RBFOX1: variants seen among roughly 807,000 people sequenced by gnomAD.
RBFOX1 encodes RNA binding protein fox-1 homolog 1.
In RBFOX1, 8 loss-of-function variants were observed where a neutral mutation model predicts 57.7. That is an observed-to-expected ratio of 0.14 (90% CI 0.08 to 0.25). The LOEUF (loss-of-function observed/expected upper bound fraction) is 0.25. RBFOX1 is among the 10% of genes least tolerant of loss of function. The pLI is 1.00. For missense variants in RBFOX1, 611 were observed against 548.5 expected, an observed-to-expected ratio of 1.11 and a Z score of -1.14; for synonymous variants, 326 against 222.4, an observed-to-expected ratio of 1.47 and a Z score of -4.15.
chr16:6,776,695 C>T (rs2079429648), intron 3 of RBFOX1, among the ~76,000 whole-genome samples: 1 of 152,126 alleles, frequency 6.6e-6, no homozygotes. Context: ...TATAAGCTCC[C>T]CCATGCCTGC....
At chr16:6,501,086 C>A (rs1316911038) in intron 2 of RBFOX1, among the ~76,000 whole-genome samples, 1 of 149,152 alleles carries the variant, frequency 6.7e-6, no homozygotes, top group Non-Finnish European at 1.5e-5. Context: ...TTGATGAGTT[C>A]AGAGGTCTTT....
At chr16:5,820,749 C>G (rs1394106888) in intron 3 of RBFOX1, among the ~76,000 whole-genome samples, 1 of 152,154 alleles carries the variant, frequency 6.6e-6, no homozygotes, top group Non-Finnish European at 1.5e-5. Flanking sequence ...CCGTCTGTCT[C>G]CTGTGCTCTC....
At chr16:7,247,449 G>C (rs561324716) in intron 4 of RBFOX1, among the ~76,000 whole-genome samples, 12 of 152,266 alleles carry the variant, frequency 7.9e-5, no homozygotes, top group African/African-American at 2.6e-4. Flanking sequence ...AAGATAATGA[G>C]TGTTAAGTTC....
chr16:7,065,534 A>G (rs927468317), intron 4 of RBFOX1, among the ~76,000 whole-genome samples: 11 of 152,214 alleles, frequency 7.2e-5, no homozygotes, highest in African/African-American at 2.4e-4. Flanking sequence ...TAAAATTGAC[A>G]AATTAAAATG....
chr16:6,512,283 C>CA (rs565248640), intron 2 of RBFOX1, among the ~76,000 whole-genome samples: 32,322 of 86,936 alleles, frequency 0.37, 6,910 homozygotes, highest in Non-Finnish European at 0.47. Context: ...GACCCTGTAT[C>CA]AAAAAAAAAA....
intron 2 of RBFOX1, among the ~76,000 whole-genome samples, chr16:6,502,668 A>C (rs74386616): frequency 6.6e-6 from 1 of 152,070 alleles, no homozygotes; most frequent in Non-Finnish European, 1.5e-5. Context: ...GAACTTTTCT[A>C]TTGTTAACTC....
chr16:5,244,264 A>G (rs2062239945), intron 1 of RBFOX1, among the ~76,000 whole-genome samples: 1 of 152,242 alleles, frequency 6.6e-6, no homozygotes, highest in East Asian at 1.9e-4. Context: ...TGGCTTGTCT[A>G]GACTCCATCC....
At chr16:7,346,443 A>C (rs1352390688) in intron 4 of RBFOX1, among the ~76,000 whole-genome samples, 4 of 152,088 alleles carry the variant, frequency 2.6e-5, no homozygotes, top group African/African-American at 9.7e-5. Context: ...AATGGACACG[A>C]CACGCGTTTG....
intron 4 of RBFOX1, among the ~76,000 whole-genome samples, chr16:7,217,227 G>A (rs924101868): frequency 1.3e-5 from 2 of 150,700 alleles, no homozygotes; most frequent in African/African-American, 4.9e-5. Context: ...CCCACAGCAG[G>A]AGTAGCTGGG....
intron 1 of RBFOX1, among the ~76,000 whole-genome samples, chr16:5,388,338 G>A (rs748724728): frequency 6.6e-6 from 1 of 152,150 alleles, no homozygotes; most frequent in Non-Finnish European, 1.5e-5. Flanking sequence ...GCTGATCTCT[G>A]CCAAGCGACA....
At chr16:5,277,101 A>G (rs2063160430) in intron 1 of RBFOX1, among the ~76,000 whole-genome samples, 1 of 152,206 alleles carries the variant, frequency 6.6e-6, no homozygotes, top group Non-Finnish European at 1.5e-5. Context: ...GTATATATAT[A>G]TATACCATAG....
intron 2 of RBFOX1, among the ~76,000 whole-genome samples, chr16:6,360,658 G>C (rs551257488): frequency 3.3e-5 from 5 of 152,152 alleles, no homozygotes; most frequent in African/African-American, 9.7e-5. Context: ...AGTATATCAT[G>C]CCGTTTCAGA....
rs1403590065 is a variant in RBFOX1 at position 6,450,829 on chromosome 16, ATATATATG to A, written c.-64+133774_-64+133781del. ...TATATATATATATACATATATATAT[ATATATATG>A]TGTATATATATATATATATATATAT... On this transcript the variant is annotated intron_variant, in intron 2 of 15. Transcript: ENST00000550418. 8.1e-4 allele frequency among the ~76,000 whole-genome samples: 31 copies of A among 38,410 alleles called. 3 individuals carry two copies. The highest frequency in any genetic ancestry group is 3.7e-3 in the African/African-American group (23 of 6,282). The allele number at this position is 38,410 out of a possible 152,430, so 25.2% of individuals were successfully genotyped here.
At chr16:6,826,730 AT>A (rs1241262193) in intron 3 of RBFOX1, among the ~76,000 whole-genome samples, 2 of 152,116 alleles carry the variant, frequency 1.3e-5, no homozygotes, top group African/African-American at 2.4e-5. Context: ...TCTCACGCTC[AT>A]TTCTCTTTAA....
intron 2 of RBFOX1, among the ~76,000 whole-genome samples, chr16:6,596,503 G>A (rs1042972423): frequency 2.0e-5 from 3 of 152,158 alleles, no homozygotes; most frequent in Non-Finnish European, 4.4e-5. Context: ...ACTGCAAAAG[G>A]AGGGGTCCCA....
intron 1 of RBFOX1, among the ~76,000 whole-genome samples, chr16:6,114,856 C>G (rs935657195): frequency 1.3e-5 from 2 of 152,120 alleles, no homozygotes; most frequent in African/African-American, 4.8e-5. Flanking sequence ...GATATGGCTC[C>G]TTGCAGAGGA....
intron 1 of RBFOX1, among the ~76,000 whole-genome samples, chr16:5,290,951 C>T (rs2063519481): frequency 6.6e-6 from 1 of 152,190 alleles, no homozygotes; most frequent in East Asian, 1.9e-4. Context: ...GCACCCGCCT[C>T]AGCTTCGCAA....
At chr16:5,703,805 A>G (rs2051140178) in intron 3 of RBFOX1, among the ~76,000 whole-genome samples, 1 of 152,200 alleles carries the variant, frequency 6.6e-6, no homozygotes, top group African/African-American at 2.4e-5. Context: ...ATATGTGTAC[A>G]TATTTAATAT....
intron 1 of RBFOX1, among the ~76,000 whole-genome samples, chr16:5,456,582 G>C (rs898183398): frequency 6.6e-6 from 1 of 152,112 alleles, no homozygotes; most frequent in African/African-American, 2.4e-5. Context: ...CATCATCCTT[G>C]CTTTGTTCCT....
Sources: allele counts gnomAD v4.1 joint callset (sites outside exome capture counted in the v4.1 genomes callset), GRCh38; gene constraint gnomAD v4.1.1; transcripts MANE v1.5; gene names NCBI Gene and HGNC (gene_info 2026-07-23, HGNC 2026-07-21).